The following ACY3 variants were observed in gnomAD, a reference collection of about 807,000 sequenced individuals.
The protein encoded by ACY3 is aminoacylase 3, also known as N-acyl-aromatic-L-amino acid amidohydrolase (carboxylate-forming).
ACY3 carries 20 observed loss-of-function variants against 24.6 expected under a neutral mutation model. That is an observed-to-expected ratio of 0.81 (90% confidence interval 0.57 to 1.18). ACY3 has a LOEUF of 1.18. Among genes scored for constraint, ACY3 ranks in the 50% most tolerant of loss-of-function variants. The pLI is 0.00. For missense variants in ACY3, 423 were observed against 426.8 expected (o/e 0.99, Z 0.08); for synonymous variants, 174 against 188.4 (o/e 0.92, Z 0.62).
intron 1 of ACY3, among the ~76,000 whole-genome samples, chr11:67,647,806 C>A (rs1425840042): frequency 2.0e-5 from 3 of 152,234 alleles, no homozygotes; most frequent in Admixed American, 2.0e-4. Flanking sequence ...TTCTGCTGGG[C>A]CCCAGAGGGG....
At chr11:67,649,008 C>A (rs1855567542) in intron 1 of ACY3, among the ~76,000 whole-genome samples, 1 of 152,068 alleles carries the variant, frequency 6.6e-6, no homozygotes, top group African/African-American at 2.4e-5. Context: ...CATGCCATGC[C>A]ATCAACTCCT....
At chr11:67,645,534 C>T (rs941568598) in intron 4 of ACY3, among the ~76,000 whole-genome samples, 154 bp from the exon 5 acceptor site, 1 of 152,092 alleles carries the variant, frequency 6.6e-6, no homozygotes, top group African/African-American at 2.4e-5. Flanking sequence ...TACCGGGGGC[C>T]TGGAGTGCTG....
rs370824804 is a variant in ACY3 at position 67,646,110 on chromosome 11, C to G, written c.237-223G>C. ...CAGCCTGGCCCGCCCTCCCACCTGCCTGCCCACTTGCCTGCCTCTCATGCC... is the reference window on the plus strand; with the variant it reads ...CAGCCTGGCCCGCCCTCCCACCTGCGTGCCCACTTGCCTGCCTCTCATGCC... On this transcript the variant is annotated intron_variant, in intron 3 of 7. Coordinates refer to ENST00000255082, the MANE Select transcript of ACY3 (RefSeq NM_080658.2). Among the ~76,000 whole-genome samples, 15 of 152,344 alleles carry G rather than the reference C, an allele frequency of 9.8e-5. No homozygotes were observed. In the South Asian group the frequency reaches 2.7e-3, roughly 27 times the overall value.
At position 67,642,817 on chromosome 11, in the gene ACY3, A is replaced by G; in HGVS notation, c.867T>C (p.Tyr289=). ...TCTGGACAAAGGCAACGCCCTTCTC[A>G]TAGTAGGCAGCCTCGTTAATGAACA... ...YPVFINEAAY[Y]EKGVAFVQTE... is the part of the protein sequence containing the mutation. The change falls in exon 8 of 8, where the codon TAT becomes TAC. Residue 289 remains tyrosine, a synonymous_variant. Coordinates refer to ENST00000255082, the MANE Select transcript of ACY3 (RefSeq NM_080658.2). 1 of 1,614,116 alleles carries G rather than the reference A, an allele frequency of 6.2e-7. No homozygotes were observed. The highest frequency in any genetic ancestry group is 8.5e-7 in the Non-Finnish European group (1 of 1,180,018).
chr11:67,645,590 C>G, intron 4 of ACY3, 102 bp downstream of exon 4: 1 of 1,418,012 alleles, frequency 7.1e-7, no homozygotes, highest in Admixed American at 2.4e-5. Flanking sequence ...AAACTAGGCC[C>G]GGGGAAGAGG....
At position 67,646,899 on chromosome 11, in the gene ACY3, C is replaced by T. The variant is rs750414025; in HGVS notation, c.145G>A (p.Val49Met). ...GCTGCCGGGTTGGCCAGCACAGGCA[C>T]AGCGGAGAAGCTGGCTCTCTGCAGC... is the stretch of plus-strand genomic sequence containing the variant. Reference protein sequence around the residue: ...AELQRASFSAVPVLANPAATS... With the variant: ...AELQRASFSAMPVLANPAATS... The change falls in exon 3 of 8, where the codon GTG becomes ATG. Residue 49 changes from valine to methionine, a missense_variant. Val to Met is a conservative substitution (Grantham distance 21, BLOSUM62 1). Coordinates refer to ENST00000255082, the MANE Select transcript of ACY3 (RefSeq NM_080658.2). 4 of 1,611,994 alleles carry T rather than the reference C, an allele frequency of 2.5e-6. No homozygotes were observed. Among genetic ancestry groups the T allele is most frequent in the Non-Finnish European group, 3.4e-6 (4 of 1,179,556 alleles).
chr11:67,649,379 C>T lies in ACY3; in HGVS notation c.-95+1204G>A, dbSNP rs531119299. On this transcript the variant is annotated intron_variant, in intron 1 of 7. Transcript: ENST00000255082. ...GTGCTTCCTGCCACAAGGTGCTGGGCCCCCAAGTTTAGGGAGAACAGCAGT... is the reference window on the plus strand; with the variant it reads ...GTGCTTCCTGCCACAAGGTGCTGGGTCCCCAAGTTTAGGGAGAACAGCAGT... Among the ~76,000 whole-genome samples, 3 of 152,312 alleles carry T rather than the reference C, an allele frequency of 2.0e-5. No homozygotes were observed. The East Asian group carries it at 5.8e-4, about 29-fold the overall frequency.
In ACY3 at chr11:67,646,963, G is replaced by A. The variant is rs774119486; in HGVS notation, c.81C>T (p.Gly27=). Residue 27 remains glycine, a synonymous_variant, in exon 3 of 8, where the codon GGC becomes GGT. Transcript: ENST00000255082. Reference sequence around the variant, plus strand: ...GCAGCCAGTGCCGGGCCAGGTAGACGCCCGACATCTCGTTGCCATGCGTGC... The same window carrying A: ...GCAGCCAGTGCCGGGCCAGGTAGACACCCGACATCTCGTTGCCATGCGTGC... The part of the protein sequence containing the change: ...TGGTHGNEMS[G]VYLARHWLHA... The A allele has an allele frequency of 5.7e-6, 9 of 1,586,288 alleles. No individual in the cohort carries two copies. The highest frequency in any genetic ancestry group is 6.9e-6 in the Non-Finnish European group (8 of 1,165,958).
rs2134116258 is a variant in ACY3, at chr11:67,650,692, G to T, written c.-204C>A. On this transcript the variant is annotated 5_prime_UTR_variant, in exon 1 of 8. Coordinates refer to ENST00000255082, the MANE Select transcript of ACY3 (RefSeq NM_080658.2). ...CCCGAAACAGCGGAAGCAGCTGCCT[G>T]GAGCTTTTGTTCTGTGCTGCTCCTT... The T allele has an allele frequency of 6.6e-6, 1 of 152,352 alleles. No homozygotes were observed. Among genetic ancestry groups the T allele is most frequent in the South Asian group, 2.1e-4 (1 of 4,832 alleles). 9.4% of individuals were successfully genotyped at this position (152,352 alleles called of 1,614,324 possible).
intron 1 of ACY3, among the ~76,000 whole-genome samples, chr11:67,649,826 ATGTG>A (rs534373231): frequency 7.1e-6 from 1 of 140,448 alleles, no homozygotes; most frequent in African/African-American, 2.7e-5. Flanking sequence ...GTGTGCATGC[ATGTG>A]TGTGTACATG....
intron 1 of ACY3, among the ~76,000 whole-genome samples, chr11:67,649,495 C>A (rs1855577616): frequency 6.6e-6 from 1 of 152,236 alleles, no homozygotes; most frequent in Non-Finnish European, 1.5e-5. Context: ...TCCAGGAACC[C>A]TCAGAAACAG....
In ACY3 at chr11:67,642,654, G is replaced by C; in HGVS notation, c.*70C>G. The C allele has an allele frequency of 2.0e-6, 3 of 1,532,776 alleles. No homozygotes were observed. The Admixed American group carries it at 5.0e-5, about 26-fold the overall frequency. 94.9% of individuals were successfully genotyped at this position (1,532,776 alleles called of 1,614,324 possible). A position where few individuals can be genotyped will look rare whatever the true frequency, so the allele number is the denominator to read the frequency against. ...ATGGTAGGTGGCAGAAGGGACCTCT[G>C]TGCTCAGAGCTGTGCCTCAGGACCC... On this transcript the variant is annotated 3_prime_UTR_variant, in exon 8 of 8. Coordinates refer to ENST00000255082, the MANE Select transcript of ACY3 (RefSeq NM_080658.2).
At position 67,647,052 on chromosome 11, in the gene ACY3, G is replaced by A. The variant is rs920530285; in HGVS notation, c.-9C>T. On this transcript the variant is annotated 5_prime_UTR_variant, in exon 3 of 8. Coordinates refer to ENST00000255082, the MANE Select transcript of ACY3 (RefSeq NM_080658.2). The stretch of plus-strand genomic sequence containing the variant: ...ACAGGCAGTGAGCACATGCTGGTGT[G>A]GGGTGCAGAACCTGGGGGTGGGCAT... 8 of 1,513,852 alleles carry A rather than the reference G, an allele frequency of 5.3e-6. No individual in the cohort carries two copies. The Admixed American group carries it at 1.7e-4, about 32-fold the overall frequency. The allele number at this position is 1,513,852 out of a possible 1,614,324, so 93.8% of individuals were successfully genotyped here. A position where few individuals can be genotyped will look rare whatever the true frequency, so the allele number is the denominator to read the frequency against.
rs1855468383 is a variant in ACY3 at position 67,644,441 on chromosome 11, C to G, written c.744+319G>C. On this transcript the variant is annotated intron_variant, in intron 7 of 7. Coordinates refer to ENST00000255082, the MANE Select transcript of ACY3 (RefSeq NM_080658.2). ...CTCCAAGCAGGTGAATTGAGTCATG[C>G]CTGCTCCATGTCCCCTCCCTCTGCC... is the stretch of plus-strand genomic sequence containing the variant. 2.6e-5 allele frequency among the ~76,000 whole-genome samples: 4 copies of G among 152,184 alleles called. 1 individual carries two copies. In the South Asian group the frequency reaches 8.3e-4, roughly 32 times the overall value.
At chr11:67,645,587 GC>G (rs1855499228) in intron 4 of ACY3, 104 bp downstream of exon 4, 3 of 1,396,812 alleles carry the variant, frequency 2.1e-6, no homozygotes, top group South Asian at 2.9e-5. Context: ...GGGAAACTAG[GC>G]CCGGGGAAGA....
chr11:67,643,802 C>T (rs908119203), intron 7 of ACY3, among the ~76,000 whole-genome samples: 3 of 151,800 alleles, frequency 2.0e-5, no homozygotes, highest in Non-Finnish European at 2.9e-5. Context: ...CGAGACCAGC[C>T]TGGCCAACGT....
chr11:67,643,032 C>T (rs980531147), intron 7 of ACY3, 93 bp from the exon 8 acceptor site: 2 of 1,139,500 alleles, frequency 1.8e-6, no homozygotes, highest in Admixed American at 4.1e-5. Context: ...AAAGATGCCC[C>T]TCATTCATGG....
At position 67,645,136 on chromosome 11, in the gene ACY3, G is replaced by A. The variant is rs1855487362; in HGVS notation, c.543C>T (p.Pro181=). ...AKNGLGLELG[P]QPQGVLRADI... ...CAGCCCGCAGCACACCCTGTGGCTG[G>A]GGGCCCAGCTCCAGACCTGGGGACC... Residue 181 remains proline, a synonymous_variant, in exon 6 of 8, where the codon CCC becomes CCT. Transcript: ENST00000255082. The A allele has an allele frequency of 1.2e-6, 2 of 1,612,732 alleles. No homozygotes were observed. Among genetic ancestry groups the A allele is most frequent in the African/African-American group, 2.7e-5 (2 of 74,926 alleles).
chr11:67,646,017 G>A (rs532725558), intron 3 of ACY3, 130 bp from the exon 4 acceptor site: 8 of 892,560 alleles, frequency 9.0e-6, no homozygotes, highest in African/African-American at 1.7e-5. Flanking sequence ...CCCTTCAGAC[G>A]TTGTGGCTGT....
Sources: gnomAD v4.1 joint callset for allele counts (sites outside exome capture counted in the v4.1 genomes callset) on GRCh38, gnomAD v4.1.1 for gene constraint, MANE v1.5 for transcripts, NCBI Gene and HGNC (gene_info 2026-07-23, HGNC 2026-07-21) for gene names.